DLC1: variants seen among roughly 807,000 people sequenced by gnomAD.
DLC1 encodes the protein rho GTPase-activating protein 7.
In DLC1, 54 loss-of-function variants were observed where a neutral mutation model predicts 140.3. The ratio of observed to expected loss-of-function variants is 0.38; its 90% confidence interval spans 0.31 to 0.48. The LOEUF (loss-of-function observed/expected upper bound fraction) is 0.48, where lower values mean the gene tolerates loss of function less well. Ranked by LOEUF, DLC1 falls within the 20% of genes least tolerant of loss-of-function variation. The probability of loss-of-function intolerance (pLI) is 0.96; values close to 1 mark genes in which losing one functional copy is unlikely to be tolerated. For synonymous variants in DLC1, 986 were observed against 728.1 expected, an observed-to-expected ratio of 1.35 and a Z score of -5.70; for missense variants, 2,536 against 1,907.0, an observed-to-expected ratio of 1.33 and a Z score of -6.14.
At chr8:13,369,094 G>T (rs191774354) in intron 4 of DLC1, among the ~76,000 whole-genome samples, 2 of 152,236 alleles carry the variant, frequency 1.3e-5, no homozygotes, top group Admixed American at 6.5e-5. Context: ...GATGTTTAGA[G>T]AATAAGAACA....
rs78728368 is a variant in DLC1, at chr8:13,143,070, A to C, written c.1349-27413T>G. On this transcript the variant is annotated intron_variant, in intron 5 of 17. Transcript: ENST00000276297. Reference sequence around the variant, plus strand: ...AAAAAAAAAAAAAAGGCAGAATTAGAGGGAGAAACTAACCAATATCATATT... The same window carrying C: ...AAAAAAAAAAAAAAGGCAGAATTAGCGGGAGAAACTAACCAATATCATATT... Among the ~76,000 whole-genome samples the C allele has an allele frequency of 6.0e-3, 909 of 151,074 alleles. 14 individuals carry two copies. Among genetic ancestry groups the C allele is most frequent in the African/African-American group, 0.021 (857 of 41,194 alleles).
intron 5 of DLC1, among the ~76,000 whole-genome samples, chr8:13,155,392 A>C (rs952178214): frequency 3.3e-5 from 5 of 152,078 alleles, no homozygotes; most frequent in African/African-American, 1.2e-4. Context: ...TTGGACATTA[A>C]CATTCTTAGT....
chr8:13,088,785 C>A (rs1441897551), intron 15 of DLC1, 81 bp from the exon 16 acceptor site: 10 of 1,208,102 alleles, frequency 8.3e-6, no homozygotes, highest in East Asian at 2.3e-5. Context: ...GTTAGACTAA[C>A]AATTTTAGTT....
intron 2 of DLC1, among the ~76,000 whole-genome samples, chr8:13,492,500 GTCTC>G (rs368098461): frequency 2.7e-5 from 4 of 145,714 alleles, no homozygotes; most frequent in African/African-American, 1.0e-4. Flanking sequence ...TACTCTCTCT[GTCTC>G]TCTCTCTCTC....
intron 5 of DLC1, among the ~76,000 whole-genome samples, chr8:13,200,242 T>C (rs1052543365): frequency 1.3e-5 from 2 of 152,116 alleles, no homozygotes; most frequent in Admixed American, 6.5e-5. Flanking sequence ...TATATTTTTT[T>C]TAGTAGAGGC....
At chr8:13,284,360 C>G (rs760090299) in intron 5 of DLC1, among the ~76,000 whole-genome samples, 4 of 152,070 alleles carry the variant, frequency 2.6e-5, no homozygotes, top group Non-Finnish European at 5.9e-5. Context: ...AACCCCGTCT[C>G]TACTAAAAAT....
intron 4 of DLC1, among the ~76,000 whole-genome samples, chr8:13,306,487 C>T (rs1797335499): frequency 6.6e-6 from 1 of 151,840 alleles, no homozygotes; most frequent in Admixed American, 6.6e-5. Flanking sequence ...TTCTTCATTT[C>T]TTCAGGGACA....
intron 4 of DLC1, among the ~76,000 whole-genome samples, chr8:13,325,202 T>C (rs758930227): frequency 6.6e-6 from 1 of 152,108 alleles, no homozygotes; most frequent in East Asian, 1.9e-4. Flanking sequence ...TGTAGGCTGT[T>C]TGCTAGTATG....
At chr8:13,376,379 C>T (rs1290095312) in intron 4 of DLC1, among the ~76,000 whole-genome samples, 1 of 152,130 alleles carries the variant, frequency 6.6e-6, no homozygotes, top group Non-Finnish European at 1.5e-5. Context: ...TAAGTAAGCA[C>T]TCTGGTGACC....
intron 5 of DLC1, among the ~76,000 whole-genome samples, chr8:13,285,004 TTGTC>T (rs1759997799): frequency 6.6e-6 from 1 of 152,212 alleles, no homozygotes; most frequent in Non-Finnish European, 1.5e-5. Context: ...GTTTTTTTGT[TTGTC>T]TGTTTGTTTA....
chr8:13,391,259 G>C (rs904394461), intron 4 of DLC1, among the ~76,000 whole-genome samples: 1 of 152,146 alleles, frequency 6.6e-6, no homozygotes, highest in Non-Finnish European at 1.5e-5. Flanking sequence ...TGTTGTGAAG[G>C]CTGAGTCAAC....
At chr8:13,585,732 C>T (rs1366053808) in intron 1 of DLC1, among the ~76,000 whole-genome samples, 1 of 152,142 alleles carries the variant, frequency 6.6e-6, no homozygotes, top group African/African-American at 2.4e-5. Flanking sequence ...CTTGTAGGAA[C>T]ATCACCCTGA....
chr8:13,509,763 C>G (rs1802269314), intron 1 of DLC1, among the ~76,000 whole-genome samples: 2 of 152,036 alleles, frequency 1.3e-5, no homozygotes, highest in Admixed American at 1.3e-4. Context: ...TACTGGTGGG[C>G]AGGAATTGTC....
intron 1 of DLC1, among the ~76,000 whole-genome samples, chr8:13,508,146 G>A (rs1802188590): frequency 6.6e-6 from 1 of 152,178 alleles, no homozygotes; most frequent in Admixed American, 6.5e-5. Flanking sequence ...GCTATTTAAT[G>A]TCGCTTCCAG....
chr8:13,392,578 G>T (rs1836809241), intron 4 of DLC1, among the ~76,000 whole-genome samples: 1 of 152,052 alleles, frequency 6.6e-6, no homozygotes, highest in South Asian at 2.1e-4. Context: ...GTTTCTTTGT[G>T]TTGCATAAAA....
Position 13,115,659 on chromosome 8 carries a change from T to C in DLC1, c.1349-2A>G. 6.2e-7 allele frequency: 1 copy of C among 1,614,052 alleles called. No homozygotes were observed. Among genetic ancestry groups the C allele is most frequent in the Non-Finnish European group, 8.5e-7 (1 of 1,179,992 alleles). On this transcript the variant is annotated splice_acceptor_variant, in intron 5 of 17. Transcript: ENST00000276297. LOFTEE classifies it high-confidence loss of function. ...CACAAGCTTCCTTGGCTTCAATTTC[T>C]AGAACAGAACAGAAGAAAGACAAAA...
intron 2 of DLC1, among the ~76,000 whole-genome samples, chr8:13,423,259 T>C (rs1395534979): frequency 6.6e-6 from 1 of 152,182 alleles, no homozygotes; most frequent in African/African-American, 2.4e-5. Flanking sequence ...TTTGTAAAAT[T>C]ATATTGAAAG....
intron 2 of DLC1, among the ~76,000 whole-genome samples, chr8:13,459,457 G>A (rs61419800): frequency 0.062 from 9,431 of 152,116 alleles, 660 homozygotes; most frequent in African/African-American, 0.17. Context: ...CTCCTTCCTC[G>A]TAGCTGTATA....
chr8:13,590,077 A>ATATATATATATATATATATATATCT (rs11272767), intron 1 of DLC1, among the ~76,000 whole-genome samples: 1 of 145,186 alleles, frequency 6.9e-6, no homozygotes, highest in African/African-American at 2.6e-5. Context: ...ATATATATAT[A>ATATATATATATATATATATATATCT]CAAACACATG....
Sources: gnomAD v4.1 joint callset for allele counts (sites outside exome capture counted in the v4.1 genomes callset) on GRCh38, gnomAD v4.1.1 for gene constraint, MANE v1.5 for transcripts, NCBI Gene and HGNC (gene_info 2026-07-23, HGNC 2026-07-21) for gene names.